ADGRA2: variants seen among roughly 807,000 people sequenced by gnomAD.
ADGRA2 encodes adhesion G protein-coupled receptor A2.
A neutral mutation model predicts 98.7 loss-of-function variants in ADGRA2; 61 were observed. That is an observed-to-expected ratio of 0.62 (90% CI 0.50 to 0.76). The LOEUF is 0.76. Ranked by LOEUF, ADGRA2 falls within the 30% of genes least tolerant of loss-of-function variation. The pLI, the probability that ADGRA2 is intolerant of heterozygous loss-of-function variation, is 0.00. For missense variants in ADGRA2, 1,712 were observed against 1,860.0 expected, an observed-to-expected ratio of 0.92 and a Z score of 1.46; for synonymous variants, 858 against 831.5, an observed-to-expected ratio of 1.03 and a Z score of -0.55.
intron 1 of ADGRA2, among the ~76,000 whole-genome samples, chr8:37,813,281 C>T (rs1804889511): frequency 6.6e-6 from 1 of 152,136 alleles, no homozygotes; most frequent in Non-Finnish European, 1.5e-5. Context: ...TCAGAGGCCA[C>T]CCCAGGCCCA....
rs1805663161 is a variant in ADGRA2, at chr8:37,837,806, T to C, written c.2126T>C (p.Val709Ala). 1 of 1,545,290 alleles carries C rather than the reference T, an allele frequency of 6.5e-7. No homozygotes were observed. The highest frequency in any genetic ancestry group is 1.2e-5 in the South Asian group (1 of 83,054). The change falls in exon 14 of 19, where the codon GTG becomes GCG. Residue 709 changes from valine (V) to alanine (A), a missense_variant. Physicochemically the swap from Val to Ala is moderately conservative, Grantham distance 64 (BLOSUM62 0). Transcript: ENST00000412232. ...LRHWAEGAEP[V>A]AAWWSQEGPG... ...CACTGGGCTGAGGGAGCCGAACCTG[T>C]GGCCGCTTGGTGGAGCCAGGAGGGG... is the stretch of plus-strand genomic sequence containing the variant.
At chr8:37,831,670 C>T in intron 8 of ADGRA2, 83 bp downstream of exon 8, 1 of 1,245,432 alleles carries the variant, frequency 8.0e-7, no homozygotes, top group Non-Finnish European at 1.2e-6. Flanking sequence ...CCAGAGTTTC[C>T]CCATCCGCTG....
rs147126313 is a variant in ADGRA2 at position 37,834,593 on chromosome 8, C to T, written c.1608+465C>T. ...CATGGAGCCTGCTCTACAGCTGAGTCGGGCAACAGAACTGGCATACTTAAG... is the reference window on the plus strand; with the variant it reads ...CATGGAGCCTGCTCTACAGCTGAGTTGGGCAACAGAACTGGCATACTTAAG... On this transcript the variant is annotated intron_variant, in intron 11 of 18. Coordinates refer to ENST00000412232, the MANE Select transcript of ADGRA2 (RefSeq NM_032777.10). This position sits in a 1 kb window ranked among gnomAD's most constrained non-coding sequence, Gnocchi z 4.2. Among the ~76,000 whole-genome samples the T allele has an allele frequency of 2.0e-3, 307 of 152,196 alleles. 1 individual carries two copies. The highest frequency in any genetic ancestry group is 7.1e-3 in the African/African-American group (294 of 41,520).
chr8:37,797,616 G>A lies in ADGRA2; in HGVS notation c.266+82G>A, dbSNP rs529487055. On this transcript the variant is annotated intron_variant, in intron 1 of 18. Coordinates refer to ENST00000412232, the MANE Select transcript of ADGRA2 (RefSeq NM_032777.10). The surrounding 1 kb of genome is among the most constrained non-coding windows in gnomAD (Gnocchi z 5.3). Reference sequence around the variant, plus strand: ...GAGACGGGAGGGGTGGGAGCAGGGGGAAGGGGGCTATCCCCCCACTTCAGA... The same window carrying A: ...GAGACGGGAGGGGTGGGAGCAGGGGAAAGGGGGCTATCCCCCCACTTCAGA... 20 of 1,081,346 alleles carry A rather than the reference G, an allele frequency of 1.8e-5. No individual in the cohort carries two copies. In the African/African-American group the frequency reaches 3.0e-4, roughly 16 times the overall value. 67.0% of individuals were successfully genotyped at this position (1,081,346 alleles called of 1,614,324 possible).
At position 37,841,731 on chromosome 8, in the gene ADGRA2, G is replaced by A; in HGVS notation, c.3393G>A (p.Leu1131=). ...GCAGCAGCGGCCATCCGCTGGCTCTGGGCCCCTGCAAGCTCACCAACCTGC... is the reference window on the plus strand; with the variant it reads ...GCAGCAGCGGCCATCCGCTGGCTCTAGGCCCCTGCAAGCTCACCAACCTGC... ...PSGSSGHPLA[L]GPCKLTNLQL... Residue 1131 remains leucine, a synonymous_variant, in exon 19 of 19, where the codon CTG becomes CTA. Transcript: ENST00000412232. The surrounding 1 kb of genome is among the most constrained non-coding windows in gnomAD (Gnocchi z 5.0). 1 of 1,542,346 alleles carries A rather than the reference G, an allele frequency of 6.5e-7. No homozygotes were observed. The highest frequency in any genetic ancestry group is 8.7e-7 in the Non-Finnish European group (1 of 1,144,706).
At position 37,835,501 on chromosome 8, in the gene ADGRA2, A is replaced by G. The variant is rs1056033276; in HGVS notation, c.1834-53A>G. On this transcript the variant is annotated intron_variant, in intron 12 of 18. Coordinates refer to ENST00000412232, the MANE Select transcript of ADGRA2 (RefSeq NM_032777.10). ...AGGTGGGAGGAGGGGGCTGCAAGAC[A>G]TCAGTGCTCTAGGGGGTCCTGGTGT... 8 of 1,495,466 alleles carry G rather than the reference A, an allele frequency of 5.3e-6. No individual in the cohort carries two copies. The African/African-American group carries it at 9.6e-5, about 18-fold the overall frequency. 92.6% of individuals were successfully genotyped at this position (1,495,466 alleles called of 1,614,324 possible). A position where few individuals can be genotyped will look rare whatever the true frequency, so the allele number is the denominator to read the frequency against.
intron 1 of ADGRA2, among the ~76,000 whole-genome samples, chr8:37,804,619 G>C (rs1804607284): frequency 6.6e-6 from 1 of 152,238 alleles, no homozygotes. Flanking sequence ...GCAGCCATGA[G>C]TTTAGTCAGA....
intron 13 of ADGRA2, 110 bp from the exon 14 acceptor site, chr8:37,837,621 G>A (rs1339150353): frequency 2.3e-6 from 2 of 888,240 alleles, no homozygotes; most frequent in Non-Finnish European, 3.6e-6. Flanking sequence ...TGCCCTGCCT[G>A]GCAGGTGCCT....
At chr8:37,840,962 T>G in intron 18 of ADGRA2, 113 bp downstream of exon 18, 1 of 1,167,846 alleles carries the variant, frequency 8.6e-7, no homozygotes, top group Non-Finnish European at 1.2e-6. Flanking sequence ...CCCAAGCCCA[T>G]GCATGCTGAC....
At position 37,843,259 on chromosome 8, in the gene ADGRA2, C is replaced by T. The variant is rs911354783; in HGVS notation, c.*904C>T. On this transcript the variant is annotated 3_prime_UTR_variant, in exon 19 of 19. Coordinates refer to ENST00000412232, the MANE Select transcript of ADGRA2 (RefSeq NM_032777.10). ...TACTTTTCAGTTACAAGACCCATCT[C>T]CCTAGTCTCAGCCTTACAACACCAC... is the stretch of plus-strand genomic sequence containing the variant. 5 of 152,286 alleles carry T rather than the reference C, an allele frequency of 3.3e-5. No homozygotes were observed. Among genetic ancestry groups the T allele is most frequent in the African/African-American group, 1.2e-4 (5 of 41,450 alleles). 9.4% of individuals were successfully genotyped at this position (152,286 alleles called of 1,614,324 possible).
chr8:37,821,812 G>A (rs1008447978), intron 2 of ADGRA2, among the ~76,000 whole-genome samples: 1 of 152,190 alleles, frequency 6.6e-6, no homozygotes, highest in African/African-American at 2.4e-5. Flanking sequence ...GTGCTGAGGC[G>A]CTCATTAGAA....
intron 1 of ADGRA2, among the ~76,000 whole-genome samples, chr8:37,800,911 T>A (rs1209687657): frequency 6.6e-6 from 1 of 152,226 alleles, no homozygotes; most frequent in Non-Finnish European, 1.5e-5. Flanking sequence ...ATTTTGGCTT[T>A]ATCCTCCCTC....
chr8:37,837,618 C>T lies in ADGRA2; in HGVS notation c.2051-113C>T, dbSNP rs531821059. On this transcript the variant is annotated intron_variant, in intron 13 of 18. Transcript: ENST00000412232. ...GCCCCCAGCCCAGCACTGTGCCCTGCCTGGCAGGTGCCTAGTACACACCCT... is the reference window on the plus strand; with the variant it reads ...GCCCCCAGCCCAGCACTGTGCCCTGTCTGGCAGGTGCCTAGTACACACCCT... 3,786 of 870,732 alleles carry T rather than the reference C, an allele frequency of 4.3e-3. 12 individuals carry two copies. The highest frequency in any genetic ancestry group is 6.0e-3 in the Non-Finnish European group (3,239 of 544,034). The allele number at this position is 870,732 out of a possible 1,614,324, so 53.9% of individuals were successfully genotyped here. A position where few individuals can be genotyped will look rare whatever the true frequency, so the allele number is the denominator to read the frequency against.
At position 37,842,232 on chromosome 8, in the gene ADGRA2, C is replaced by T. The variant is rs190032836; in HGVS notation, c.3894C>T (p.Asn1298=). The change falls in exon 19 of 19, where the codon AAC becomes AAT. Residue 1298 remains asparagine (N), a synonymous_variant. Coordinates refer to ENST00000412232, the MANE Select transcript of ADGRA2 (RefSeq NM_032777.10). ...GCCATCGCCGCTCGTACCCGCTCAA[C>T]GCCGCCAGCCTAAACGGCGCCCCCA... ...KESHRRSYPL[N]AASLNGAPKG... 187 of 1,549,800 alleles carry T rather than the reference C, an allele frequency of 1.2e-4. No homozygotes were observed. Among genetic ancestry groups the T allele is most frequent in the Non-Finnish European group, 1.5e-4 (168 of 1,147,566 alleles).
Position 37,841,819 on chromosome 8 carries a change from C to A in ADGRA2, c.3481C>A (p.Pro1161Thr). 1 of 1,530,070 alleles carries A rather than the reference C, an allele frequency of 6.5e-7. No individual in the cohort carries two copies. Among genetic ancestry groups the A allele is most frequent in the Non-Finnish European group, 8.7e-7 (1 of 1,143,898 alleles). The allele number at this position is 1,530,070 out of a possible 1,614,324, so 94.8% of individuals were successfully genotyped here. A position where few individuals can be genotyped will look rare whatever the true frequency, so the allele number is the denominator to read the frequency against. Residue 1161 changes from proline to threonine, a missense_variant, in exon 19 of 19, where the codon CCG becomes ACG. Coordinates refer to ENST00000412232, the MANE Select transcript of ADGRA2 (RefSeq NM_032777.10). The surrounding 1 kb of genome is among the most constrained non-coding windows in gnomAD (Gnocchi z 5.0). ...AAAGGEGEPE[P>T]AGTRGNLAHR... ...GGCCGGCGGGGAAGGAGAGCCGGAG[C>A]CGGCGGGCACCCGGGGAAACCTCGC...
Position 37,818,711 on chromosome 8 carries a change from C to T in ADGRA2, c.338+3744C>T, listed in dbSNP as rs565952432. Among the ~76,000 whole-genome samples the T allele has an allele frequency of 3.3e-5, 5 of 152,388 alleles. No individual in the cohort carries two copies. In the East Asian group the frequency reaches 9.6e-4, roughly 29 times the overall value. ...AGATCAGGTGCCTGCCCTCCCGGCCCTTACCTCTACTGATAGGACCCAGAA... is the reference window on the plus strand; with the variant it reads ...AGATCAGGTGCCTGCCCTCCCGGCCTTTACCTCTACTGATAGGACCCAGAA... On this transcript the variant is annotated intron_variant, in intron 2 of 18. Transcript: ENST00000412232.
rs977211877 is a variant in ADGRA2, at chr8:37,814,431, A to G, written c.267-465A>G. 1.3e-5 allele frequency among the ~76,000 whole-genome samples: 2 copies of G among 152,150 alleles called. No individual in the cohort carries two copies. ...GGTGAGAGTGTGCGAGCCTCCGAGG[A>G]AGGGCAGCTCCCGCCTGCCTCCAGA... On this transcript the variant is annotated intron_variant, in intron 1 of 18. Transcript: ENST00000412232. The surrounding 1 kb of genome is among the most constrained non-coding windows in gnomAD (Gnocchi z 4.3).
rs934873298 is a variant in ADGRA2 at position 37,799,474 on chromosome 8, G to A, written c.266+1940G>A. Among the ~76,000 whole-genome samples the A allele has an allele frequency of 2.0e-5, 3 of 152,044 alleles. No homozygotes were observed. The East Asian group carries it at 5.8e-4, about 29-fold the overall frequency. ...CATATGTGGGATGTGTGTTCTCTGC[G>A]TGTCTCTGTGTCAGGGTTAGGGAAT... On this transcript the variant is annotated intron_variant, in intron 1 of 18. Transcript: ENST00000412232.
rs537457885 is a variant in ADGRA2 at position 37,814,160 on chromosome 8, G to T, written c.267-736G>T. On this transcript the variant is annotated intron_variant, in intron 1 of 18. Transcript: ENST00000412232. The surrounding 1 kb of genome is among the most constrained non-coding windows in gnomAD (Gnocchi z 4.3). ...GGAGCTTGGCAGAGAAAGGCTGAGT[G>T]GGTGGGCGGAGATGAGACACTCGGT... Among the ~76,000 whole-genome samples, 1 of 152,330 alleles carries T rather than the reference G, an allele frequency of 6.6e-6. No homozygotes were observed. Among genetic ancestry groups the T allele is most frequent in the Admixed American group, 6.5e-5 (1 of 15,308 alleles).
Sources: allele counts gnomAD v4.1 joint callset (sites outside exome capture counted in the v4.1 genomes callset), GRCh38; gene constraint gnomAD v4.1.1; non-coding constraint Gnocchi (gnomAD v3.1); transcripts MANE v1.5; gene names NCBI Gene and HGNC (gene_info 2026-07-23, HGNC 2026-07-21).